Variants in IL1RAPL2 observed in about 807,000 individuals in gnomAD.
IL1RAPL2 encodes the protein X-linked interleukin-1 receptor accessory protein-like 2.
In IL1RAPL2, 3 loss-of-function variants were observed where a neutral mutation model predicts 44.1. The observed-to-expected ratio is 0.07, with a 90% CI of 0.03 to 0.18. The LOEUF (loss-of-function observed/expected upper bound fraction) is 0.18. IL1RAPL2 is among the 10% of genes least tolerant of loss of function. The pLI, the probability that IL1RAPL2 is intolerant of heterozygous loss-of-function variation, is 1.00. For synonymous variants in IL1RAPL2, 181 were observed against 178.8 expected (o/e 1.01, Z -0.10); for missense variants, 391 against 496.4 (o/e 0.79, Z 2.02).
chrX:105,378,949 G>T (rs916236471), intron 5 of IL1RAPL2, among the ~76,000 whole-genome samples: 2 of 111,871 alleles, frequency 1.8e-5, no homozygotes, highest in Non-Finnish European at 3.8e-5. Context: ...TTAGAATCAG[G>T]AAACTTGCCT....
chrX:105,054,111 C>T (rs1309443709), intron 2 of IL1RAPL2, among the ~76,000 whole-genome samples: 1 of 111,407 alleles, frequency 9.0e-6, no homozygotes, highest in African/African-American at 3.3e-5. Flanking sequence ...AAGTGGGAAC[C>T]CTCTGTGGAC....
chrX:105,074,256 T>A (rs1488350322), intron 2 of IL1RAPL2, among the ~76,000 whole-genome samples: 3 of 111,789 alleles, frequency 2.7e-5, no homozygotes, highest in South Asian at 3.8e-4. Context: ...AGCTTTCTAC[T>A]CATGGCTAGC....
At chrX:105,355,422 A>G (rs2035194339) in intron 5 of IL1RAPL2, among the ~76,000 whole-genome samples, 1 of 111,331 alleles carries the variant, frequency 9.0e-6, no homozygotes, top group Non-Finnish European at 1.9e-5. Context: ...CACTGCCTGC[A>G]ATACTCTTCC....
chrX:105,251,869 G>A (rs773878925), intron 4 of IL1RAPL2, among the ~76,000 whole-genome samples: 2 of 111,216 alleles, frequency 1.8e-5, no homozygotes, highest in East Asian at 2.8e-4. Context: ...GAAAAGTTAT[G>A]TGGAAGCCAG....
intron 1 of IL1RAPL2, among the ~76,000 whole-genome samples, chrX:104,605,106 A>G (rs1928978729): frequency 8.9e-6 from 1 of 112,218 alleles, no homozygotes; most frequent in South Asian, 3.7e-4. Context: ...AACAGAAATC[A>G]TAACAAAGTG....
chrX:104,908,487 A>G (rs995926109), intron 2 of IL1RAPL2, among the ~76,000 whole-genome samples: 3 of 111,003 alleles, frequency 2.7e-5, no homozygotes, highest in African/African-American at 3.3e-5. Flanking sequence ...GAGCTCTTTT[A>G]GGGCAGGCCT....
chrX:104,637,045 ATTTG>A (rs200521291), intron 1 of IL1RAPL2, among the ~76,000 whole-genome samples: 5,831 of 108,284 alleles, frequency 0.054, 425 homozygotes, highest in African/African-American at 0.19. Context: ...CATAGGTTAA[ATTTG>A]TTCCTAGGTA....
chrX:105,040,050 G>C, intron 2 of IL1RAPL2, among the ~76,000 whole-genome samples: 1 of 110,653 alleles, frequency 9.0e-6, no homozygotes, highest in Non-Finnish European at 1.9e-5. Flanking sequence ...TTTGAGATAT[G>C]TCCCATCAGT....
At chrX:105,425,762 G>A (rs1470443190) in intron 5 of IL1RAPL2, among the ~76,000 whole-genome samples, 3 of 110,308 alleles carry the variant, frequency 2.7e-5, no homozygotes, top group African/African-American at 9.9e-5. Flanking sequence ...AAATAAAGGA[G>A]TGAAATTGTG....
At position 105,559,089 on chromosome X, in the gene IL1RAPL2, A is replaced by C. The variant is rs1034136464; in HGVS notation, c.772+74702A>C. Among the ~76,000 whole-genome samples, 3 of 111,690 alleles carry C rather than the reference A, an allele frequency of 2.7e-5. No homozygotes were observed. The East Asian group carries it at 8.4e-4, about 31-fold the overall frequency. On this transcript the variant is annotated intron_variant, in intron 6 of 10. Coordinates refer to ENST00000372582, the MANE Select transcript of IL1RAPL2 (RefSeq NM_017416.2). ...ATTCGTAAACCAACTTATTTTTATC[A>C]TGTTACTGAGACTTTTGGGTTTCTA...
At chrX:105,102,371 C>T (rs993227645) in intron 2 of IL1RAPL2, among the ~76,000 whole-genome samples, 1 of 111,784 alleles carries the variant, frequency 8.9e-6, no homozygotes, top group Non-Finnish European at 1.9e-5. Context: ...CCCAACACAC[C>T]GCACAAATGC....
At position 105,374,494 on chromosome X, in the gene IL1RAPL2, T is replaced by G. The variant is rs763874033; in HGVS notation, c.697+106953T>G. Reference sequence around the variant, plus strand: ...GAACATGGAATGTTTTCCATTTTTTTTGTGTCATCCCTGATTTGTTTGAGT... The same window carrying G: ...GAACATGGAATGTTTTCCATTTTTTGTGTGTCATCCCTGATTTGTTTGAGT... On this transcript the variant is annotated intron_variant, in intron 5 of 10. Transcript: ENST00000372582. Among the ~76,000 whole-genome samples the G allele has an allele frequency of 2.7e-5, 3 of 111,648 alleles. No individual in the cohort carries two copies. The East Asian group carries it at 8.5e-4, about 32-fold the overall frequency.
intron 2 of IL1RAPL2, among the ~76,000 whole-genome samples, chrX:105,032,657 A>G (rs1335585227): frequency 1.8e-5 from 2 of 111,271 alleles, no homozygotes; most frequent in East Asian, 2.8e-4. Flanking sequence ...TATGTGTTCA[A>G]TTTTGGAATA....
intron 6 of IL1RAPL2, among the ~76,000 whole-genome samples, chrX:105,670,184 A>G (rs1458972505): frequency 9.6e-5 from 7 of 72,788 alleles, no homozygotes; most frequent in South Asian, 7.1e-4. Context: ...GACTAAAGCT[A>G]TATAATAAAT....
intron 1 of IL1RAPL2, among the ~76,000 whole-genome samples, chrX:104,612,412 A>G (rs1357150886): frequency 8.9e-6 from 1 of 111,986 alleles, no homozygotes; most frequent in Non-Finnish European, 1.9e-5. Context: ...ATAGCCACTT[A>G]TCCCAGCACA....
At chrX:105,427,554 C>T (rs1381872710) in intron 5 of IL1RAPL2, among the ~76,000 whole-genome samples, 2 of 112,195 alleles carry the variant, frequency 1.8e-5, no homozygotes, top group Admixed American at 1.9e-4. Context: ...TATGTACAGA[C>T]CTTGCTGATT....
chrX:105,086,088 T>C (rs1212521904), intron 2 of IL1RAPL2, among the ~76,000 whole-genome samples: 1 of 111,270 alleles, frequency 9.0e-6, no homozygotes, highest in African/African-American at 3.3e-5. Flanking sequence ...TTCAAACTCA[T>C]GTCGTTCCAG....
At chrX:104,631,530 T>C (rs924546293) in intron 1 of IL1RAPL2, among the ~76,000 whole-genome samples, 10 of 111,585 alleles carry the variant, frequency 9.0e-5, no homozygotes, top group African/African-American at 2.9e-4. Context: ...TGATCGCCAT[T>C]CTAACTGGTG....
chrX:104,954,445 T>C (rs755159797), intron 2 of IL1RAPL2, among the ~76,000 whole-genome samples: 5 of 112,943 alleles, frequency 4.4e-5, no homozygotes, highest in Non-Finnish European at 7.5e-5. Context: ...TCTCTCCTCA[T>C]GGAGCTTCAA....
Sources: allele counts gnomAD v4.1 joint callset (sites outside exome capture counted in the v4.1 genomes callset), GRCh38; gene constraint gnomAD v4.1.1; transcripts MANE v1.5; gene names NCBI Gene and HGNC (gene_info 2026-07-23, HGNC 2026-07-21).